Variants in CNTN4 observed in about 807,000 individuals in gnomAD.
CNTN4 encodes the protein contactin 4, also known as contactin-4.
In CNTN4, 77 loss-of-function variants were observed where a neutral mutation model predicts 122.5. The observed-to-expected ratio is 0.63, with a 90% CI of 0.52 to 0.76. The LOEUF (loss-of-function observed/expected upper bound fraction) is 0.76, where lower values mean the gene tolerates loss of function less well. Ranked by LOEUF, CNTN4 falls within the 30% of genes least tolerant of loss-of-function variation. The pLI is 0.00. For synonymous variants in CNTN4, 512 were observed against 447.0 expected (o/e 1.15, Z -1.83); for missense variants, 1,256 against 1,259.1 (o/e 1.00, Z 0.04).
chr3:2,654,535 C>T (rs1394501376), intron 4 of CNTN4, among the ~76,000 whole-genome samples: 1 of 152,098 alleles, frequency 6.6e-6, no homozygotes, highest in Non-Finnish European at 1.5e-5. Flanking sequence ...ATAAGGCCAA[C>T]CCAAGGGTAT....
intron 2 of CNTN4, among the ~76,000 whole-genome samples, chr3:2,240,545 T>A (rs1307148263): frequency 2.6e-5 from 4 of 152,134 alleles, no homozygotes; most frequent in Non-Finnish European, 1.5e-5. Flanking sequence ...ATCCTATGAT[T>A]TTATGATTTT....
intron 3 of CNTN4, among the ~76,000 whole-genome samples, chr3:2,378,318 C>A (rs2045897121): frequency 6.6e-6 from 1 of 152,182 alleles, no homozygotes; most frequent in Non-Finnish European, 1.5e-5. Context: ...CATCACCATT[C>A]CATTCCTCAG....
chr3:2,867,780 CA>C (rs1313487266), intron 8 of CNTN4, among the ~76,000 whole-genome samples: 1 of 151,944 alleles, frequency 6.6e-6, no homozygotes, highest in Non-Finnish European at 1.5e-5. Context: ...AGTCTACGAC[CA>C]TACCCCAAAA....
intron 4 of CNTN4, among the ~76,000 whole-genome samples, chr3:2,683,881 T>C (rs761142032): frequency 6.6e-6 from 1 of 152,180 alleles, no homozygotes; most frequent in Non-Finnish European, 1.5e-5. Flanking sequence ...TCCTGGGCTC[T>C]ACCTTAAACC....
At chr3:2,596,386 C>T (rs759882980) in intron 4 of CNTN4, among the ~76,000 whole-genome samples, 3 of 152,070 alleles carry the variant, frequency 2.0e-5, no homozygotes, top group Non-Finnish European at 4.4e-5. Context: ...CATCGGTTGT[C>T]CTCCAAATTC....
At chr3:2,657,063 A>ACAGCCAAC (rs1186352280) in intron 4 of CNTN4, among the ~76,000 whole-genome samples, 1 of 152,252 alleles carries the variant, frequency 6.6e-6, no homozygotes, top group Non-Finnish European at 1.5e-5. Flanking sequence ...ATGCAATGGG[A>ACAGCCAAC]CAGCCAACTG....
At position 3,042,348 on chromosome 3, in the gene CNTN4, C is replaced by A. The variant is rs772191089; in HGVS notation, c.2437C>A (p.Leu813Ile). The A allele has an allele frequency of 6.2e-7, 1 of 1,614,144 alleles. No individual in the cohort carries two copies. The highest frequency in any genetic ancestry group is 1.7e-5 in the Admixed American group (1 of 60,032). ...ACCAGCCAGTATCTTTGCCAGAAGT[C>A]TTTCTGCCACAGATATTGAAGTTTT... ...KPPASIFARS[L>I]SATDIEVFWA... Residue 813 changes from leucine (L) to isoleucine (I), a missense_variant, in exon 21 of 25, where the codon CTT becomes ATT. Transcript: ENST00000418658.
chr3:2,139,832 C>T (rs963739063), intron 2 of CNTN4, among the ~76,000 whole-genome samples: 2 of 152,188 alleles, frequency 1.3e-5, no homozygotes, highest in Admixed American at 6.5e-5. Context: ...CAGTCAGCAA[C>T]CTATCACAGA....
At chr3:3,052,179 T>A (rs1054285779) in intron 23 of CNTN4, among the ~76,000 whole-genome samples, 1 of 152,208 alleles carries the variant, frequency 6.6e-6, no homozygotes, top group Non-Finnish European at 1.5e-5. Context: ...GGATCCCACC[T>A]CTGTGCAGTC....
chr3:2,137,978 A>G (rs550437339), intron 2 of CNTN4, among the ~76,000 whole-genome samples: 1 of 152,234 alleles, frequency 6.6e-6, no homozygotes, highest in South Asian at 2.1e-4. Context: ...GCCATTGGTA[A>G]CCAAGCTGCA....
intron 4 of CNTN4, among the ~76,000 whole-genome samples, chr3:2,687,214 G>T (rs2085474580): frequency 9.9e-5 from 1 of 10,108 alleles, no homozygotes; most frequent in African/African-American, 3.5e-4. Flanking sequence ...TTACATGTCT[G>T]CAGTGCGGCA....
intron 3 of CNTN4, among the ~76,000 whole-genome samples, chr3:2,395,311 C>G (rs562357641): frequency 1.6e-3 from 242 of 152,178 alleles, no homozygotes; most frequent in Non-Finnish European, 2.9e-3. Context: ...GGAACATAAT[C>G]TATAGTGTAA....
At chr3:3,009,824 G>C (rs1007514241) in intron 14 of CNTN4, among the ~76,000 whole-genome samples, 1 of 152,196 alleles carries the variant, frequency 6.6e-6, no homozygotes, top group African/African-American at 2.4e-5. Flanking sequence ...ATATTTAAGA[G>C]TGTGGCACGA....
chr3:2,654,517 A>G (rs2083495350), intron 4 of CNTN4, among the ~76,000 whole-genome samples: 1 of 152,114 alleles, frequency 6.6e-6, no homozygotes, highest in African/African-American at 2.4e-5. Flanking sequence ...TCTTTTCTCC[A>G]ACACTTAATA....
At chr3:3,039,117 C>T in intron 19 of CNTN4, 114 bp downstream of exon 19, 1 of 934,528 alleles carries the variant, frequency 1.1e-6, no homozygotes, top group Non-Finnish European at 1.7e-6. Flanking sequence ...AGTGAAAATT[C>T]ATTTGGGTTC....
chr3:2,861,094 G>T (rs1422851680), intron 7 of CNTN4, among the ~76,000 whole-genome samples: 5 of 152,198 alleles, frequency 3.3e-5, no homozygotes, highest in Non-Finnish European at 7.3e-5. Flanking sequence ...TATGTTTGGT[G>T]ATCGGTGTAA....
At chr3:2,159,268 T>C (rs1295190306) in intron 2 of CNTN4, among the ~76,000 whole-genome samples, 1 of 152,146 alleles carries the variant, frequency 6.6e-6, no homozygotes, top group Non-Finnish European at 1.5e-5. Context: ...TAAAAGAAAA[T>C]AATAAGCCCC....
At chr3:2,395,639 C>T (rs35472449) in intron 3 of CNTN4, among the ~76,000 whole-genome samples, 29,219 of 151,970 alleles carry the variant, frequency 0.19, 3,452 homozygotes, top group Middle Eastern at 0.27. Flanking sequence ...CCATTGTTCC[C>T]GTCTTTATGT....
At chr3:2,710,500 T>C (rs1216508642) in intron 4 of CNTN4, among the ~76,000 whole-genome samples, 1 of 152,208 alleles carries the variant, frequency 6.6e-6, no homozygotes, top group East Asian at 1.9e-4. Context: ...GTCTTTTGTT[T>C]TCCTGCATTG....
Sources: allele counts gnomAD v4.1 joint callset (sites outside exome capture counted in the v4.1 genomes callset), GRCh38; gene constraint gnomAD v4.1.1; transcripts MANE v1.5; gene names NCBI Gene and HGNC (gene_info 2026-07-23, HGNC 2026-07-21).